The following ANKFN1 variants were observed in gnomAD, a reference collection of about 807,000 sequenced individuals.
ANKFN1 encodes the protein ankyrin repeat and fibronectin type III domain containing 1.
A neutral mutation model predicts 108.7 loss-of-function variants in ANKFN1; 74 were observed. That is an observed-to-expected ratio of 0.68 (90% CI 0.56 to 0.83). The LOEUF (loss-of-function observed/expected upper bound fraction) is 0.83. ANKFN1 is among the 40% of genes least tolerant of loss of function. The pLI is 0.00. For synonymous variants in ANKFN1, 547 were observed against 516.2 expected (o/e 1.06, Z -0.81); for missense variants, 1,505 against 1,382.3 (o/e 1.09, Z -1.41).
At chr17:56,505,233 T>A (rs903421830) in intron 20 of ANKFN1, among the ~76,000 whole-genome samples, 2 of 152,230 alleles carry the variant, frequency 1.3e-5, no homozygotes, top group Non-Finnish European at 2.9e-5. Flanking sequence ...GTAAATTAGA[T>A]CCTTTCAGGA....
chr17:56,156,505 T>G (rs1405623235), intron 1 of ANKFN1: 1 of 152,244 alleles, frequency 6.6e-6, no homozygotes, highest in Non-Finnish European at 1.5e-5. Context: ...AGTGTTATTG[T>G]CCAAACTAAT....
chr17:56,261,986 G>A (rs1443334635), intron 3 of ANKFN1, among the ~76,000 whole-genome samples: 3 of 152,174 alleles, frequency 2.0e-5, no homozygotes, highest in African/African-American at 7.2e-5. Flanking sequence ...GATTCTAGAT[G>A]GAGAATCATT....
intron 3 of ANKFN1, among the ~76,000 whole-genome samples, chr17:56,239,292 T>G (rs1459064560): frequency 6.6e-6 from 1 of 152,096 alleles, no homozygotes; most frequent in Non-Finnish European, 1.5e-5. Context: ...TACAGTTAGA[T>G]AGAAGGGAAA....
At chr17:56,072,149 T>G (rs990285886) in intron 4 of ANKFN1, among the ~76,000 whole-genome samples, 1 of 152,236 alleles carries the variant, frequency 6.6e-6, no homozygotes, top group Admixed American at 6.5e-5. Flanking sequence ...AAATGTTAAC[T>G]CTCTCTGTAT....
chr17:56,127,120 G>C (rs1027356806), intron 4 of ANKFN1, among the ~76,000 whole-genome samples: 8 of 152,164 alleles, frequency 5.3e-5, no homozygotes, highest in African/African-American at 1.9e-4. Context: ...ACCATTAGAA[G>C]TGAGGGCTAA....
chr17:56,196,282 C>T (rs1035061252), intron 1 of ANKFN1, among the ~76,000 whole-genome samples: 3 of 152,120 alleles, frequency 2.0e-5, no homozygotes, highest in Non-Finnish European at 2.9e-5. Context: ...ACCACCACAA[C>T]AAAAGTGAAG....
intron 2 of ANKFN1, among the ~76,000 whole-genome samples, chr17:56,215,058 T>C (rs956362417): frequency 6.6e-6 from 1 of 152,254 alleles, no homozygotes; most frequent in African/African-American, 2.4e-5. Context: ...GAAGATTTCC[T>C]GCATGATGCT....
intron 1 of ANKFN1, among the ~76,000 whole-genome samples, chr17:56,188,579 G>A (rs62072999): frequency 0.099 from 6,892 of 69,608 alleles, 342 homozygotes; most frequent in Non-Finnish European, 0.12. Context: ...GTGTGTGTGT[G>A]TGTATATATA....
intron 3 of ANKFN1, among the ~76,000 whole-genome samples, chr17:56,248,346 A>G (rs1185177015): frequency 1.3e-5 from 2 of 152,138 alleles, no homozygotes; most frequent in Non-Finnish European, 2.9e-5. Flanking sequence ...GTGTCCCTCT[A>G]CTACCAAATA....
chr17:56,220,317 A>G (rs1335535714), intron 2 of ANKFN1, among the ~76,000 whole-genome samples: 3 of 152,240 alleles, frequency 2.0e-5, no homozygotes, highest in Non-Finnish European at 4.4e-5. Flanking sequence ...GAACAAAAAC[A>G]AAACACATTT....
At chr17:56,372,553 TTTC>T in intron 6 of ANKFN1, 90 bp from the exon 7 acceptor site, 1 of 1,196,110 alleles carries the variant, frequency 8.4e-7, no homozygotes, top group Non-Finnish European at 1.2e-6. Flanking sequence ...TTTTTTTTTT[TTTC>T]AAATCATAGT....
intron 8 of ANKFN1, among the ~76,000 whole-genome samples, chr17:56,426,303 A>C (rs1416800270): frequency 6.6e-6 from 1 of 152,202 alleles, no homozygotes; most frequent in Admixed American, 6.5e-5. Context: ...CCTCTTTTGA[A>C]TATTTCCAAA....
intron 6 of ANKFN1, among the ~76,000 whole-genome samples, chr17:56,363,736 A>T (rs1171467710): frequency 1.3e-5 from 2 of 152,174 alleles, no homozygotes; most frequent in Non-Finnish European, 2.9e-5. Flanking sequence ...ATAATTGAAT[A>T]CTATTCAGCC....
chr17:56,515,829 T>C lies in ANKFN1; in HGVS notation c.*4560T>C, dbSNP rs2051900649. ...TTATTTCTTCTATTTCCACTAATAA[T>C]GACTTTGTAAAACAGTTATTCAAAA... On this transcript the variant is annotated 3_prime_UTR_variant, in exon 21 of 21. Transcript: ENST00000682825. Among the ~76,000 whole-genome samples, 1 of 152,240 alleles carries C rather than the reference T, an allele frequency of 6.6e-6. No individual in the cohort carries two copies. The highest frequency in any genetic ancestry group is 2.1e-4 in the South Asian group (1 of 4,836).
At position 56,145,185 on chromosome 17, in the gene ANKFN1, A is replaced by G. The variant is rs75498708; in HGVS notation, c.289-82732A>G. On this transcript the variant is annotated intron_variant, in intron 4 of 12. Coordinates refer to the ANKFN1 transcript ENST00000635860. ...GCAGTGAGTGTGCACTGAGCAGGCA[A>G]TGGGAATTAGAAACCATGGAATGGG... Among the ~76,000 whole-genome samples, 33 of 152,330 alleles carry G rather than the reference A, an allele frequency of 2.2e-4. No homozygotes were observed. In the East Asian group the frequency reaches 5.8e-3, roughly 27 times the overall value.
chr17:56,122,629 A>G (rs990813825), intron 4 of ANKFN1, among the ~76,000 whole-genome samples: 1 of 152,168 alleles, frequency 6.6e-6, no homozygotes, highest in African/African-American at 2.4e-5. Flanking sequence ...ATTGGAACTC[A>G]CCACTGCTTC....
chr17:56,419,220 G>A (rs982197850), intron 8 of ANKFN1, among the ~76,000 whole-genome samples: 1 of 152,184 alleles, frequency 6.6e-6, no homozygotes, highest in Non-Finnish European at 1.5e-5. Context: ...AGTGGCTCAC[G>A]CCTGTAATCC....
chr17:56,179,680 G>A (rs911741591), intron 1 of ANKFN1, among the ~76,000 whole-genome samples: 2 of 152,156 alleles, frequency 1.3e-5, no homozygotes, highest in Non-Finnish European at 2.9e-5. Context: ...GTGACCTCAA[G>A]CAAGTCACTT....
In ANKFN1 at chr17:56,189,790, A is replaced by G. The variant is rs186734453; in HGVS notation, c.-70-22808A>G. Among the ~76,000 whole-genome samples, 152 of 152,336 alleles carry G rather than the reference A, an allele frequency of 1.0e-3. 1 individual carries two copies. The highest frequency in any genetic ancestry group is 1.7e-3 in the Non-Finnish European group (115 of 68,036). On this transcript the variant is annotated intron_variant, in intron 1 of 20. Coordinates refer to ENST00000682825, the MANE Select transcript of ANKFN1 (RefSeq NM_001370326.1). ...TCAGCCTACCCCAGCTGGAATAAAC[A>G]AAACTTCAGTCTGAACTTGTAATTC...
Sources: allele counts gnomAD v4.1 joint callset (sites outside exome capture counted in the v4.1 genomes callset), GRCh38; gene constraint gnomAD v4.1.1; transcripts MANE v1.5; gene names NCBI Gene and HGNC (gene_info 2026-07-23, HGNC 2026-07-21).